MFHAS1: variants seen among roughly 807,000 people sequenced by gnomAD.
MFHAS1 encodes the protein multifunctional ROCO family signaling regulator 1.
Under a neutral mutation model 70.4 loss-of-function variants are expected in MFHAS1, and 50 were observed. The ratio of observed to expected loss-of-function variants is 0.71; its 90% confidence interval spans 0.57 to 0.90. MFHAS1 has a LOEUF of 0.90. MFHAS1 is among the 40% of genes least tolerant of loss of function. The probability of loss-of-function intolerance (pLI) is 0.00; values close to 1 mark genes in which losing one functional copy is unlikely to be tolerated. For missense variants in MFHAS1, 1,795 were observed against 1,347.6 expected (o/e 1.33, Z -5.20); for synonymous variants, 952 against 620.0 (o/e 1.54, Z -7.96).
At chr8:8,816,443 G>T (rs1358290659) in intron 1 of MFHAS1, among the ~76,000 whole-genome samples, 1 of 152,106 alleles carries the variant, frequency 6.6e-6, no homozygotes, top group Admixed American at 6.6e-5. Context: ...ATTCTGAGCG[G>T]GACAAATTTC....
chr8:8,861,850 C>T (rs1268473176), intron 1 of MFHAS1, among the ~76,000 whole-genome samples: 1 of 152,190 alleles, frequency 6.6e-6, no homozygotes, highest in Admixed American at 6.5e-5. Flanking sequence ...TTCTTTCACT[C>T]AGCATAATGC....
At chr8:8,797,320 G>GGTCAT in intron 2 of MFHAS1, 45 bp downstream of exon 2, 3 of 1,608,178 alleles carry the variant, frequency 1.9e-6, no homozygotes, top group Non-Finnish European at 2.6e-6. Context: ...ATGGAGCTGG[G>GGTCAT]ATCAGGAGCC....
intron 1 of MFHAS1, among the ~76,000 whole-genome samples, chr8:8,857,364 T>A (rs905006092): frequency 1.3e-5 from 2 of 152,162 alleles, no homozygotes; most frequent in Non-Finnish European, 1.5e-5. Context: ...GGCCAAAATA[T>A]GCCAAATTTT....
In MFHAS1 at chr8:8,785,354, G is replaced by T. The variant is rs1247171516; in HGVS notation, c.*668C>A. The T allele has an allele frequency of 6.6e-6, 1 of 150,908 alleles. No individual in the cohort carries two copies. The highest frequency in any genetic ancestry group is 1.5e-5 in the Non-Finnish European group (1 of 67,838). The allele number at this position is 150,908 out of a possible 1,614,324, so 9.3% of individuals were successfully genotyped here. ...CTTTCTGATTATTGGCAATCTCTATGAACCAACACTTAATCCATGGGCTAA... is the reference window on the plus strand; with the variant it reads ...CTTTCTGATTATTGGCAATCTCTATTAACCAACACTTAATCCATGGGCTAA... On this transcript the variant is annotated 3_prime_UTR_variant, in exon 3 of 3. Transcript: ENST00000276282.
intron 1 of MFHAS1, among the ~76,000 whole-genome samples, chr8:8,825,931 G>T (rs750860255): frequency 1.2e-4 from 18 of 152,158 alleles, no homozygotes; most frequent in Non-Finnish European, 1.9e-4. Flanking sequence ...AGGAGCCTAA[G>T]ATACTATCTA....
chr8:8,890,741 G>A lies in MFHAS1; in HGVS notation c.2318C>T (p.Ser773Phe), dbSNP rs753116083. 5.6e-6 allele frequency: 9 copies of A among 1,613,738 alleles called. No homozygotes were observed. In the South Asian group the frequency reaches 9.9e-5, roughly 18 times the overall value. ...CCGGAGCAGTTCCTGGCTGGGGGTG[G>A]ACCGCGCCATGGGCGGGGAGCTTTC... is the stretch of plus-strand genomic sequence containing the variant. ...EGESSPPMAR[S>F]TPSQELLRAT... is the part of the protein sequence containing the mutation. The change falls in exon 1 of 3, where the codon TCC (serine) becomes TTC (phenylalanine). Residue 773 changes from serine (S) to phenylalanine (F), a missense_variant. Coordinates refer to ENST00000276282, the MANE Select transcript of MFHAS1 (RefSeq NM_004225.3).
chr8:8,858,768 C>T (rs332030), intron 1 of MFHAS1, among the ~76,000 whole-genome samples: 2 of 151,966 alleles, frequency 1.3e-5, no homozygotes, highest in African/African-American at 4.8e-5. Context: ...CAGGTGGCGT[C>T]GAGGTGGACC....
In MFHAS1 at chr8:8,785,953, C is replaced by T; in HGVS notation, c.*69G>A. 6.6e-7 allele frequency: 1 copy of T among 1,524,466 alleles called. No homozygotes were observed. The highest frequency in any genetic ancestry group is 9.1e-7 in the Non-Finnish European group (1 of 1,098,440). 94.4% of individuals were successfully genotyped at this position (1,524,466 alleles called of 1,614,324 possible). ...GCTGGGGTGAGTGCAGAGGGTCTGC[C>T]AGGTGCAAAAGATGGTCCAGGTGTT... On this transcript the variant is annotated 3_prime_UTR_variant, in exon 3 of 3. Coordinates refer to ENST00000276282, the MANE Select transcript of MFHAS1 (RefSeq NM_004225.3).
At chr8:8,790,434 C>A (rs2117244872) in intron 2 of MFHAS1, 1 of 955,848 alleles carries the variant, frequency 1.0e-6, no homozygotes. Flanking sequence ...TATGAAGATA[C>A]CTAAGCAGAG....
In MFHAS1 at chr8:8,891,964, G is replaced by C. The variant is rs770880436; in HGVS notation, c.1095C>G (p.Ser365=). ...AVLPDHFGQL[S]RVGLWKIKDN... is the part of the protein sequence containing the mutation. ...CTTTGATCTTCCACAAACCCACCCG[G>C]GAGAGCTGGCCAAAGTGGTCGGGCA... The change falls in exon 1 of 3, where the codon TCC becomes TCG. Residue 365 remains serine (S), a synonymous_variant. Transcript: ENST00000276282. The surrounding 1 kb of genome is among the most constrained non-coding windows in gnomAD (Gnocchi z 5.4). 4 of 1,612,366 alleles carry C rather than the reference G, an allele frequency of 2.5e-6. No individual in the cohort carries two copies. Among genetic ancestry groups the C allele is most frequent in the African/African-American group, 2.7e-5 (2 of 74,912 alleles).
chr8:8,799,587 C>G (rs1052592855), intron 1 of MFHAS1, among the ~76,000 whole-genome samples: 10 of 152,128 alleles, frequency 6.6e-5, no homozygotes, highest in Non-Finnish European at 1.2e-4. Context: ...AAAACCCAGT[C>G]TCTACTAGAA....
intron 1 of MFHAS1, among the ~76,000 whole-genome samples, chr8:8,878,641 G>A (rs1004167063): frequency 8.7e-5 from 13 of 149,918 alleles, no homozygotes; most frequent in Non-Finnish European, 1.6e-4. Context: ...TTTCCATTGC[G>A]TTTTTAAAAA....
Position 8,893,462 on chromosome 8 carries a change from C to A in MFHAS1, c.-404G>T, listed in dbSNP as rs1410205501. 1 of 145,978 alleles carries A rather than the reference C, an allele frequency of 6.9e-6. No individual in the cohort carries two copies. The highest frequency in any genetic ancestry group is 1.5e-5 in the Non-Finnish European group (1 of 65,670). The allele number at this position is 145,978 out of a possible 1,614,324, so 9.0% of individuals were successfully genotyped here. A position where few individuals can be genotyped will look rare whatever the true frequency, so the allele number is the denominator to read the frequency against. On this transcript the variant is annotated 5_prime_UTR_variant, in exon 1 of 3. An upstream open reading frame in the 5' UTR gains an earlier in-frame stop. Transcript: ENST00000276282. Reference sequence around the variant, plus strand: ...GGCAGCGGCGTCGCCTCCTCGAGCTCCTGGGGGAGGGCGGCGCTCGGCCCG... The same window carrying A: ...GGCAGCGGCGTCGCCTCCTCGAGCTACTGGGGGAGGGCGGCGCTCGGCCCG...
intron 1 of MFHAS1, among the ~76,000 whole-genome samples, chr8:8,802,544 T>G (rs1033075384): frequency 6.6e-6 from 1 of 152,228 alleles, no homozygotes; most frequent in Non-Finnish European, 1.5e-5. Flanking sequence ...GCTGGTGCCT[T>G]GATCTTGGAC....
rs532441026 is a variant in MFHAS1 at position 8,893,396 on chromosome 8, G to A, written c.-338C>T. On this transcript the variant is annotated 5_prime_UTR_variant, in exon 1 of 3. Coordinates refer to ENST00000276282, the MANE Select transcript of MFHAS1 (RefSeq NM_004225.3). ...CGCCGCGCGGCGCCTCGGGGGGCCC[G>A]GCTCCGGCCCCGCTACCCTCGCAGC... The A allele has an allele frequency of 2.1e-5, 3 of 145,950 alleles. No homozygotes were observed. Among genetic ancestry groups the A allele is most frequent in the Non-Finnish European group, 4.6e-5 (3 of 65,610 alleles). 9.0% of individuals were successfully genotyped at this position (145,950 alleles called of 1,614,324 possible).
At chr8:8,820,467 T>C (rs561707903) in intron 1 of MFHAS1, among the ~76,000 whole-genome samples, 4 of 152,358 alleles carry the variant, frequency 2.6e-5, no homozygotes, top group African/African-American at 9.6e-5. Context: ...GAGAATGGTA[T>C]TTGGTCCCAA....
intron 2 of MFHAS1, among the ~76,000 whole-genome samples, chr8:8,793,654 G>A (rs933703443): frequency 3.3e-5 from 5 of 152,234 alleles, no homozygotes; most frequent in Non-Finnish European, 7.3e-5. Flanking sequence ...GGACTGTGCT[G>A]AGGCTGAGAG....
Position 8,852,938 on chromosome 8 carries a change from A to G in MFHAS1, c.2998+37123T>C, listed in dbSNP as rs75324927. 2.3e-3 allele frequency among the ~76,000 whole-genome samples: 345 copies of G among 152,302 alleles called. 1 individual carries two copies. Among genetic ancestry groups the G allele is most frequent in the African/African-American group, 7.8e-3 (324 of 41,548 alleles). On this transcript the variant is annotated intron_variant, in intron 1 of 2. Coordinates refer to ENST00000276282, the MANE Select transcript of MFHAS1 (RefSeq NM_004225.3). ...AAGTCAGAAGTGATTGCATTTCCAT[A>G]AGAACATTTATACCCGGATGTATTT... is the stretch of plus-strand genomic sequence containing the variant.
chr8:8,787,300 T>C (rs1805585314), intron 2 of MFHAS1, among the ~76,000 whole-genome samples: 1 of 152,254 alleles, frequency 6.6e-6, no homozygotes, highest in South Asian at 2.1e-4. Flanking sequence ...CAGGATGATC[T>C]TGATCTCCTG....
Sources: gnomAD v4.1 joint callset for allele counts (sites outside exome capture counted in the v4.1 genomes callset) on GRCh38, gnomAD v4.1.1 for gene constraint, Gnocchi (gnomAD v3.1) non-coding constraint, MANE v1.5 for transcripts, NCBI Gene and HGNC (gene_info 2026-07-23, HGNC 2026-07-21) for gene names.